The following SCFD2 variants were observed in gnomAD, a reference collection of about 807,000 sequenced individuals.
SCFD2 encodes the protein sec1 family domain-containing protein 2.
In SCFD2, 54 loss-of-function variants were observed where a neutral mutation model predicts 58.9. The ratio of observed to expected loss-of-function variants is 0.92; its 90% CI spans 0.74 to 1.15. SCFD2 has a LOEUF of 1.15. Ranked by LOEUF, SCFD2 falls within the 50% of genes most tolerant of loss-of-function variation. The probability of loss-of-function intolerance (pLI) is 0.00; values close to 1 mark genes in which losing one functional copy is unlikely to be tolerated. For synonymous variants in SCFD2, 321 were observed against 335.9 expected (o/e 0.96, Z 0.49); for missense variants, 805 against 836.6 (o/e 0.96, Z 0.47).
chr4:53,331,815 T>C (rs1433441939), intron 2 of SCFD2, among the ~76,000 whole-genome samples: 2 of 152,102 alleles, frequency 1.3e-5, no homozygotes, highest in Non-Finnish European at 2.9e-5. Flanking sequence ...GGAGCTGGTT[T>C]TTTGAAAAGA....
chr4:53,013,123 C>T (rs994274258), intron 5 of SCFD2, among the ~76,000 whole-genome samples: 2 of 152,162 alleles, frequency 1.3e-5, no homozygotes, highest in Admixed American at 6.5e-5. Flanking sequence ...AAACAGCCAT[C>T]TAATAGAGAC....
intron 4 of SCFD2, among the ~76,000 whole-genome samples, chr4:53,173,949 T>C (rs1315632477): frequency 6.6e-6 from 1 of 152,150 alleles, no homozygotes; most frequent in Non-Finnish European, 1.5e-5. Flanking sequence ...GAATATGTTA[T>C]ATAAAAAATG....
intron 5 of SCFD2, among the ~76,000 whole-genome samples, chr4:53,112,571 C>T (rs1725203675): frequency 6.6e-6 from 1 of 152,082 alleles, no homozygotes; most frequent in Admixed American, 6.6e-5. Context: ...TAAAATAATG[C>T]TTCTCAAAAC....
intron 5 of SCFD2, among the ~76,000 whole-genome samples, chr4:53,043,387 A>C (rs1234041984): frequency 1.3e-5 from 2 of 152,170 alleles, no homozygotes; most frequent in Non-Finnish European, 2.9e-5. Context: ...AATTAGGGAG[A>C]CTTGACATAT....
At chr4:52,998,720 C>T (rs559023024) in intron 5 of SCFD2, among the ~76,000 whole-genome samples, 23 of 152,146 alleles carry the variant, frequency 1.5e-4, no homozygotes, top group Admixed American at 7.2e-4. Context: ...AAATGGACTG[C>T]GCATTTACTC....
At chr4:52,974,677 T>C (rs1721203313) in intron 5 of SCFD2, among the ~76,000 whole-genome samples, 2 of 151,918 alleles carry the variant, frequency 1.3e-5, no homozygotes. Context: ...TACTTTAAAG[T>C]TCATATGGAA....
intron 4 of SCFD2, among the ~76,000 whole-genome samples, chr4:53,254,319 G>A (rs1192119122): frequency 6.6e-6 from 1 of 151,974 alleles, no homozygotes; most frequent in Non-Finnish European, 1.5e-5. Context: ...AAGATCTGAT[G>A]GTTTTATAAG....
At chr4:53,271,467 A>ATTTATTTG (rs1464891655) in intron 4 of SCFD2, among the ~76,000 whole-genome samples, 8 of 150,362 alleles carry the variant, frequency 5.3e-5, no homozygotes, top group African/African-American at 2.0e-4. Context: ...TTATTTATTT[A>ATTTATTTG]TTTATTTATT....
intron 5 of SCFD2, among the ~76,000 whole-genome samples, chr4:52,980,365 A>G (rs1362546621): frequency 6.6e-6 from 1 of 152,146 alleles, no homozygotes; most frequent in East Asian, 1.9e-4. Context: ...AAGGTCATAC[A>G]ATTTCTATGG....
chr4:53,059,867 G>A (rs1278442603), intron 5 of SCFD2, among the ~76,000 whole-genome samples: 2 of 151,836 alleles, frequency 1.3e-5, no homozygotes, highest in Non-Finnish European at 2.9e-5. Flanking sequence ...ATTTCTCCTT[G>A]CAATTTTGTA....
At chr4:53,105,256 C>T (rs143987297) in intron 5 of SCFD2, among the ~76,000 whole-genome samples, 1,729 of 152,128 alleles carry the variant, frequency 0.011, 18 homozygotes, top group Middle Eastern at 0.034. Flanking sequence ...CAAAACTGCG[C>T]GGCCGTTTGG....
intron 2 of SCFD2, among the ~76,000 whole-genome samples, chr4:53,341,968 G>A (rs548943567): frequency 5.9e-5 from 9 of 152,200 alleles, no homozygotes; most frequent in East Asian, 5.8e-4. Flanking sequence ...CACTAAACAT[G>A]GAAAGGAACA....
At chr4:52,901,458 C>CT (rs1719197273) in intron 7 of SCFD2, among the ~76,000 whole-genome samples, 1 of 152,160 alleles carries the variant, frequency 6.6e-6, no homozygotes. Flanking sequence ...TGGCTGTCTC[C>CT]TAGGATGCTG....
At chr4:53,110,047 GAACAGAA>G in intron 5 of SCFD2, among the ~76,000 whole-genome samples, 1 of 70,360 alleles carries the variant, frequency 1.4e-5, no homozygotes, top group Middle Eastern at 7.5e-3. Flanking sequence ...CAATGGAACA[GAACAGAA>G]CAGAACAGAA....
At chr4:53,042,781 C>T (rs895207107) in intron 5 of SCFD2, among the ~76,000 whole-genome samples, 19 of 152,056 alleles carry the variant, frequency 1.2e-4, no homozygotes, top group East Asian at 7.8e-4. Context: ...AGTAACAAAA[C>T]GGAGCCTCAG....
At chr4:53,261,124 G>T (rs567108116) in intron 4 of SCFD2, among the ~76,000 whole-genome samples, 1 of 151,924 alleles carries the variant, frequency 6.6e-6, no homozygotes, top group East Asian at 1.9e-4. Flanking sequence ...TTCTTTTCTT[G>T]GTTAATGTCG....
intron 5 of SCFD2, among the ~76,000 whole-genome samples, chr4:53,106,737 T>G (rs1400057861): frequency 6.6e-6 from 1 of 151,964 alleles, no homozygotes. Flanking sequence ...AAACCTACAT[T>G]TGATTGTACC....
At chr4:53,018,379 C>T (rs1031723685) in intron 5 of SCFD2, among the ~76,000 whole-genome samples, 6 of 152,134 alleles carry the variant, frequency 3.9e-5, no homozygotes, top group Non-Finnish European at 8.8e-5. Context: ...CTAAATCTTA[C>T]GGCAAATCCA....
At chr4:53,224,345 C>A (rs1577862445) in intron 4 of SCFD2, among the ~76,000 whole-genome samples, 2 of 151,552 alleles carry the variant, frequency 1.3e-5, no homozygotes, top group East Asian at 1.9e-4. Flanking sequence ...GCCGAGATCA[C>A]CCCACTGCAC....
Sources: allele counts gnomAD v4.1 joint callset (sites outside exome capture counted in the v4.1 genomes callset), GRCh38; gene constraint gnomAD v4.1.1; transcripts MANE v1.5; gene names NCBI Gene and HGNC (gene_info 2026-07-23, HGNC 2026-07-21).